Variants in RHEB observed in about 807,000 individuals in gnomAD.
RHEB encodes GTP-binding protein Rheb.
In RHEB, 2 loss-of-function variants were observed where a neutral mutation model predicts 28.8. The ratio of observed to expected loss-of-function variants is 0.07; its 90% CI spans 0.03 to 0.22. The LOEUF is 0.22. RHEB is among the 10% of genes least tolerant of loss of function. The pLI, the probability that RHEB is intolerant of heterozygous loss-of-function variation, is 1.00. For synonymous variants in RHEB, 69 were observed against 77.3 expected, an observed-to-expected ratio of 0.89 and a Z score of 0.56; for missense variants, 76 against 219.9, an observed-to-expected ratio of 0.35 and a Z score of 4.14.
chr7:151,477,260 A>G (rs1279345999), intron 4 of RHEB, 73 bp downstream of exon 4: 1 of 887,836 alleles, frequency 1.1e-6, no homozygotes, highest in Non-Finnish European at 1.8e-6. Context: ...TAATAATTCC[A>G]GCACAGTCCC....
At chr7:151,503,045 G>A (rs1465007418) in intron 1 of RHEB, 7 of 787,042 alleles carry the variant, frequency 8.9e-6, no homozygotes, top group African/African-American at 3.4e-5. Flanking sequence ...AATCACCCAG[G>A]ACACGCGAAA....
intron 1 of RHEB, among the ~76,000 whole-genome samples, chr7:151,507,736 G>A (rs1254232220): frequency 6.6e-6 from 1 of 151,948 alleles, no homozygotes; most frequent in African/African-American, 2.4e-5. Flanking sequence ...ACAAAGACAA[G>A]GCAGAAAAAG....
At position 151,470,613 on chromosome 7, in the gene RHEB, A is replaced by G. The variant is rs1356038266; in HGVS notation, c.420T>C (p.Ser140=). The part of the protein sequence containing the change: ...SYEEGKALAE[S]WNAAFLESSA... ...AAGATTCCAAAAAAGCTGCATTCCAAGATTCTGCCAAAGCTTTCCCTTCTT... is the reference window on the plus strand; with the variant it reads ...AAGATTCCAAAAAAGCTGCATTCCAGGATTCTGCCAAAGCTTTCCCTTCTT... Residue 140 remains serine (S), a synonymous_variant, in exon 7 of 8, where the codon TCT becomes TCC. Coordinates refer to ENST00000262187, the MANE Select transcript of RHEB (RefSeq NM_005614.4). 6.2e-7 allele frequency: 1 copy of G among 1,613,544 alleles called. No homozygotes were observed. The highest frequency in any genetic ancestry group is 1.3e-5 in the African/African-American group (1 of 74,920).
chr7:151,480,048 T>C (rs2299962), intron 3 of RHEB, among the ~76,000 whole-genome samples: 92,219 of 151,604 alleles, frequency 0.61, 28,370 homozygotes, highest in African/African-American at 0.68. Flanking sequence ...ATCAGATTGG[T>C]AAGTACCAAA....
rs1803139082 is a variant in RHEB, at chr7:151,519,311, C to T, written c.52+149G>A. ...ACGCCGCCCCGACCGCCACCACCTC[C>T]GCTCAGAATGGTGGTTACGAAACGC... On this transcript the variant is annotated intron_variant, in intron 1 of 7. Transcript: ENST00000262187. 1.1e-5 allele frequency: 5 copies of T among 441,816 alleles called. No individual in the cohort carries two copies. In the East Asian group the frequency reaches 2.2e-4, roughly 19 times the overall value. The allele number at this position is 441,816 out of a possible 1,614,324, so 27.4% of individuals were successfully genotyped here. A position where few individuals can be genotyped will look rare whatever the true frequency, so the allele number is the denominator to read the frequency against.
intron 7 of RHEB, among the ~76,000 whole-genome samples, chr7:151,470,050 AG>A (rs1037663021): frequency 1.3e-5 from 2 of 152,232 alleles, no homozygotes; most frequent in African/African-American, 4.8e-5. Context: ...CTCCGGAGGC[AG>A]AATCTACATC....
chr7:151,496,865 C>T (rs1345149219), intron 1 of RHEB, among the ~76,000 whole-genome samples: 1 of 151,908 alleles, frequency 6.6e-6, no homozygotes, highest in Non-Finnish European at 1.5e-5. Flanking sequence ...TTGTAAGCTC[C>T]GCCTCCCAGG....
intron 1 of RHEB, among the ~76,000 whole-genome samples, chr7:151,500,575 G>A (rs1205539067): frequency 6.6e-6 from 1 of 152,232 alleles, no homozygotes; most frequent in African/African-American, 2.4e-5. Flanking sequence ...GGCTGCGGCA[G>A]TAGCTCATGG....
intron 1 of RHEB, among the ~76,000 whole-genome samples, chr7:151,506,483 G>A (rs1441134686): frequency 6.6e-6 from 1 of 152,036 alleles, no homozygotes; most frequent in Non-Finnish European, 1.5e-5. Flanking sequence ...TGCTTTGTGA[G>A]GATTAAATGA....
At chr7:151,497,725 G>A (rs540811998) in intron 1 of RHEB, among the ~76,000 whole-genome samples, 30 of 152,188 alleles carry the variant, frequency 2.0e-4, no homozygotes, top group South Asian at 2.1e-4. Context: ...TGCCTTACAC[G>A]GTCTGACGTT....
rs371567743 is a variant in RHEB, at chr7:151,516,284, T to C, written c.52+3176A>G. 3.9e-5 allele frequency among the ~76,000 whole-genome samples: 6 copies of C among 152,134 alleles called. No homozygotes were observed. The South Asian group carries it at 1.2e-3, about 32-fold the overall frequency. ...TACCTGAGAATTATATTTTACCTAT[T>C]GGTAGTTCTGACAACACTCAAAAAA... On this transcript the variant is annotated intron_variant, in intron 1 of 7. Coordinates refer to ENST00000262187, the MANE Select transcript of RHEB (RefSeq NM_005614.4).
chr7:151,475,089 C>G (rs942018597), intron 4 of RHEB, among the ~76,000 whole-genome samples: 53 of 152,310 alleles, frequency 3.5e-4, no homozygotes, highest in African/African-American at 1.1e-3. Flanking sequence ...AGACACAGTA[C>G]CAAGCTTTTT....
At chr7:151,513,301 T>C (rs1004473723) in intron 1 of RHEB, among the ~76,000 whole-genome samples, 2 of 152,186 alleles carry the variant, frequency 1.3e-5, no homozygotes, top group African/African-American at 2.4e-5. Context: ...CAAATGTGAA[T>C]AGCTGGCAGA....
intron 2 of RHEB, among the ~76,000 whole-genome samples, chr7:151,485,133 C>G (rs913181462): frequency 6.6e-6 from 1 of 152,154 alleles, no homozygotes. Flanking sequence ...AAATATACTA[C>G]GTAAAGTCTG....
At chr7:151,483,586 T>C (rs1351273170) in intron 3 of RHEB, among the ~76,000 whole-genome samples, 1 of 152,152 alleles carries the variant, frequency 6.6e-6, no homozygotes, top group African/African-American at 2.4e-5. Flanking sequence ...GGTGTGGTGG[T>C]GTGCCTGTAA....
intron 4 of RHEB, among the ~76,000 whole-genome samples, chr7:151,474,787 G>A (rs1332220469): frequency 6.6e-6 from 1 of 152,128 alleles, no homozygotes; most frequent in African/African-American, 2.4e-5. Flanking sequence ...AATGAAAATG[G>A]TTATTATTTA....
intron 1 of RHEB, among the ~76,000 whole-genome samples, chr7:151,497,740 C>T (rs1385370752): frequency 6.6e-6 from 1 of 152,302 alleles, no homozygotes; most frequent in South Asian, 2.1e-4. Flanking sequence ...GACGTTTTCA[C>T]CGGAGGAAGA....
intron 1 of RHEB, among the ~76,000 whole-genome samples, chr7:151,517,689 C>CAA (rs1803105814): frequency 7.4e-6 from 1 of 135,184 alleles, no homozygotes. Flanking sequence ...ACTTCTGTAG[C>CAA]CAAAAAAAAA....
chr7:151,497,517 T>A (rs138544850), intron 1 of RHEB, among the ~76,000 whole-genome samples: 64 of 152,322 alleles, frequency 4.2e-4, no homozygotes, highest in Non-Finnish European at 7.6e-4. Flanking sequence ...CAGTTCATAA[T>A]CACTTAAAGG....
Sources: gnomAD v4.1 joint callset for allele counts (sites outside exome capture counted in the v4.1 genomes callset) on GRCh38, gnomAD v4.1.1 for gene constraint, MANE v1.5 for transcripts, NCBI Gene and HGNC (gene_info 2026-07-23, HGNC 2026-07-21) for gene names.